Variants in EEFSEC observed in about 807,000 individuals in gnomAD.
EEFSEC encodes the protein selenocysteine-specific elongation factor.
In EEFSEC, 43 loss-of-function variants were observed where a neutral mutation model predicts 42.1. That is an observed-to-expected ratio of 1.02 (90% CI 0.80 to 1.32). The LOEUF is 1.32. Among genes scored for constraint, EEFSEC ranks in the 40% most tolerant of loss-of-function variants. The pLI is 0.00. For missense variants in EEFSEC, 745 were observed against 803.6 expected (o/e 0.93, Z 0.88); for synonymous variants, 354 against 339.1 (o/e 1.04, Z -0.48).
intron 4 of EEFSEC, among the ~76,000 whole-genome samples, chr3:128,316,730 C>T (rs945823511): frequency 6.6e-6 from 1 of 152,182 alleles, no homozygotes; most frequent in Non-Finnish European, 1.5e-5. Context: ...GTGGGGTTAC[C>T]GCCCAGCTCG....
chr3:128,174,008 G>T (rs2811474), intron 1 of EEFSEC, among the ~76,000 whole-genome samples: 1 of 152,116 alleles, frequency 6.6e-6, no homozygotes, highest in African/African-American at 2.4e-5. Context: ...GAATGGTGGG[G>T]ACCCAACTGC....
At chr3:128,349,809 C>A (rs2067361371) in intron 5 of EEFSEC, among the ~76,000 whole-genome samples, 1 of 152,230 alleles carries the variant, frequency 6.6e-6, no homozygotes, top group Non-Finnish European at 1.5e-5. Context: ...CAGTTGGGTC[C>A]CAGGACATGG....
At chr3:128,272,897 C>T (rs908220186) in intron 4 of EEFSEC, among the ~76,000 whole-genome samples, 3 of 152,166 alleles carry the variant, frequency 2.0e-5, no homozygotes, top group Non-Finnish European at 4.4e-5. Flanking sequence ...TATCCACTGG[C>T]TTGGTGCTTC....
At chr3:128,261,745 A>G (rs1292336339) in intron 2 of EEFSEC, among the ~76,000 whole-genome samples, 1 of 152,108 alleles carries the variant, frequency 6.6e-6, no homozygotes. Context: ...CTTTTTGGTC[A>G]CTATTATTTC....
chr3:128,364,892 C>G (rs2067570609), intron 6 of EEFSEC, among the ~76,000 whole-genome samples: 1 of 152,248 alleles, frequency 6.6e-6, no homozygotes, highest in African/African-American at 2.4e-5. Context: ...CACATCTACA[C>G]TGCTAGTAAG....
intron 2 of EEFSEC, among the ~76,000 whole-genome samples, chr3:128,248,967 G>C (rs1357930793): frequency 2.6e-5 from 4 of 152,372 alleles, no homozygotes; most frequent in African/African-American, 9.6e-5. Context: ...AGGCTGGTAG[G>C]GAAAGGAGAG....
chr3:128,405,349 G>C (rs578125149), intron 6 of EEFSEC, among the ~76,000 whole-genome samples: 3 of 152,256 alleles, frequency 2.0e-5, no homozygotes, highest in African/African-American at 7.2e-5. Context: ...AGTGCACGAT[G>C]CTCTCACAGC....
At chr3:128,223,285 A>G (rs1214698056) in intron 1 of EEFSEC, among the ~76,000 whole-genome samples, 1 of 152,166 alleles carries the variant, frequency 6.6e-6, no homozygotes, top group African/African-American at 2.4e-5. Flanking sequence ...GCTGGTCCTG[A>G]TTCTTACCCT....
At chr3:128,211,726 G>T (rs1003616349) in intron 1 of EEFSEC, among the ~76,000 whole-genome samples, 4 of 151,458 alleles carry the variant, frequency 2.6e-5, no homozygotes, top group Non-Finnish European at 5.9e-5. Context: ...ATATTGCCTA[G>T]GATGGTCTCA....
intron 5 of EEFSEC, among the ~76,000 whole-genome samples, chr3:128,356,404 G>A (rs1029540982): frequency 2.6e-5 from 4 of 152,146 alleles, no homozygotes; most frequent in African/African-American, 9.7e-5. Context: ...GCTCTCTGGG[G>A]TGACCACAAT....
chr3:128,378,153 G>A (rs746674521), intron 6 of EEFSEC, among the ~76,000 whole-genome samples: 2 of 152,068 alleles, frequency 1.3e-5, no homozygotes, highest in African/African-American at 2.4e-5. Context: ...GTGTATACTC[G>A]TCACCCCAAC....
intron 6 of EEFSEC, among the ~76,000 whole-genome samples, chr3:128,397,214 G>T (rs1253561986): frequency 1.3e-5 from 2 of 152,206 alleles, no homozygotes; most frequent in Non-Finnish European, 2.9e-5. Flanking sequence ...GGAGATGGCT[G>T]CAGCCCCCTG....
the EEFSEC span, among the ~76,000 whole-genome samples, chr3:128,420,899 CCAGAAG>C: frequency 6.6e-6 from 1 of 152,148 alleles, no homozygotes; most frequent in Non-Finnish European, 1.5e-5. Flanking sequence ...TATGCAGGTT[CCAGAAG>C]CGGCGGCCCT....
chr3:128,162,991 T>G (rs2065205965), intron 1 of EEFSEC, among the ~76,000 whole-genome samples: 1 of 152,198 alleles, frequency 6.6e-6, no homozygotes, highest in Admixed American at 6.5e-5. Flanking sequence ...CAGGTTGGAA[T>G]AGGATTCGGG....
intron 6 of EEFSEC, among the ~76,000 whole-genome samples, chr3:128,371,243 G>A (rs1177302327): frequency 1.3e-5 from 2 of 152,124 alleles, no homozygotes; most frequent in South Asian, 4.2e-4. Flanking sequence ...TGGATGGATG[G>A]GGAGGAGGGG....
intron 1 of EEFSEC, among the ~76,000 whole-genome samples, chr3:128,230,614 A>T (rs1490564560): frequency 6.6e-6 from 1 of 152,206 alleles, no homozygotes; most frequent in Non-Finnish European, 1.5e-5. Context: ...TTCCAGACCC[A>T]AGTGAGGTTG....
At chr3:128,217,315 C>G (rs1260714438) in intron 1 of EEFSEC, among the ~76,000 whole-genome samples, 1 of 152,130 alleles carries the variant, frequency 6.6e-6, no homozygotes, top group East Asian at 1.9e-4. Flanking sequence ...ACCTAGCCTA[C>G]ATGGGGCTGC....
chr3:128,291,508 C>A (rs912753931), intron 4 of EEFSEC, among the ~76,000 whole-genome samples: 4 of 152,166 alleles, frequency 2.6e-5, no homozygotes, highest in African/African-American at 9.7e-5. Flanking sequence ...GATGCCAGCA[C>A]CTTGATATTG....
intron 1 of EEFSEC, among the ~76,000 whole-genome samples, chr3:128,204,030 C>T (rs2065668364): frequency 6.6e-6 from 1 of 152,206 alleles, no homozygotes; most frequent in Non-Finnish European, 1.5e-5. Context: ...CAGTGACTTG[C>T]ATATTCTAAG....
Sources: allele counts gnomAD v4.1 joint callset (sites outside exome capture counted in the v4.1 genomes callset), GRCh38; gene constraint gnomAD v4.1.1; transcripts MANE v1.5; gene names NCBI Gene and HGNC (gene_info 2026-07-23, HGNC 2026-07-21).